The following SBF2 variants were observed in gnomAD, a reference collection of about 807,000 sequenced individuals.
SBF2 encodes the protein myotubularin-related protein 13.
SBF2 carries 112 observed loss-of-function variants against 225.2 expected under a neutral mutation model. That is an observed-to-expected ratio of 0.50 (90% CI 0.43 to 0.58). SBF2 has a LOEUF of 0.58. Ranked by LOEUF, SBF2 falls within the 20% of genes least tolerant of loss-of-function variation. The pLI is 0.00. For synonymous variants in SBF2, 763 were observed against 773.3 expected (o/e 0.99, Z 0.22); for missense variants, 1,996 against 2,206.2 (o/e 0.90, Z 1.91).
intron 2 of SBF2, among the ~76,000 whole-genome samples, chr11:10,193,588 G>A (rs1171994404): frequency 2.6e-5 from 4 of 151,858 alleles, no homozygotes; most frequent in East Asian, 1.9e-4. Context: ...TCCTTACCTC[G>A]TAATCCGCCC....
intron 1 of SBF2, among the ~76,000 whole-genome samples, chr11:10,273,513 C>T (rs1962708829): frequency 6.6e-6 from 1 of 152,068 alleles, no homozygotes; most frequent in African/African-American, 2.4e-5. Context: ...AAATATAAAG[C>T]TTATTTAGCT....
At position 10,081,135 on chromosome 11, in the gene SBF2, A is replaced by G. The variant is rs537833745; in HGVS notation, c.142-38154T>C. Among the ~76,000 whole-genome samples, 2 of 152,340 alleles carry G rather than the reference A, an allele frequency of 1.3e-5. 1 individual carries two copies. The highest frequency in any genetic ancestry group is 4.2e-4 in the South Asian group (2 of 4,818). On this transcript the variant is annotated intron_variant, in intron 2 of 39. Coordinates refer to ENST00000256190, the MANE Select transcript of SBF2 (RefSeq NM_030962.4). ...CATTCTATACAAGGAATATATCAACAGATGGAACATTCTCCAAGACAGTAA... is the reference window on the plus strand; with the variant it reads ...CATTCTATACAAGGAATATATCAACGGATGGAACATTCTCCAAGACAGTAA...
chr11:9,893,707 G>T (rs1861017780), intron 17 of SBF2, among the ~76,000 whole-genome samples: 1 of 152,186 alleles, frequency 6.6e-6, no homozygotes, highest in Non-Finnish European at 1.5e-5. Flanking sequence ...CCAGCAGGCA[G>T]TTTACTGCTT....
intron 2 of SBF2, among the ~76,000 whole-genome samples, chr11:10,161,129 G>A (rs1348445667): frequency 7.0e-6 from 1 of 142,312 alleles, no homozygotes. Context: ...AGTTTGCAGT[G>A]AGCCTAAATT....
intron 16 of SBF2, among the ~76,000 whole-genome samples, chr11:9,952,289 C>T (rs1390955797): frequency 2.0e-5 from 3 of 151,900 alleles, no homozygotes; most frequent in Non-Finnish European, 4.4e-5. Flanking sequence ...AACATCTAAT[C>T]TTCTGCCATG....
At chr11:9,865,072 G>A (rs1345530548) in intron 17 of SBF2, among the ~76,000 whole-genome samples, 1 of 152,050 alleles carries the variant, frequency 6.6e-6, no homozygotes, top group Non-Finnish European at 1.5e-5. Context: ...TACCATGCCT[G>A]GCTAATTATT....
chr11:10,196,866 A>ATATATATTTTT, intron 1 of SBF2, among the ~76,000 whole-genome samples: 73 of 99,302 alleles, frequency 7.4e-4, no homozygotes, highest in African/African-American at 2.8e-3. Flanking sequence ...ATATATATAT[A>ATATATATTTTT]TTTTTTTTTT....
At chr11:10,296,596 T>C (rs61889845), upstream of SBF2, among the ~76,000 whole-genome samples, 15,084 of 152,182 alleles carry the variant, frequency 0.099, 908 homozygotes, top group Non-Finnish European at 0.11. Context: ...CCAAACCATA[T>C]CATATGTATA....
Position 9,779,517 on chromosome 11 carries a change from G to C in SBF2, c.*901C>G, listed in dbSNP as rs1049151887. The stretch of plus-strand genomic sequence containing the variant: ...TCCAGTCATGCCACAGTGTGACTGT[G>C]GTCAACACAGCCCTTGTCACAGGTG... On this transcript the variant is annotated 3_prime_UTR_variant, in exon 40 of 40. Coordinates refer to ENST00000256190, the MANE Select transcript of SBF2 (RefSeq NM_030962.4). 2 of 152,640 alleles carry C rather than the reference G, an allele frequency of 1.3e-5. No homozygotes were observed. Among genetic ancestry groups the C allele is most frequent in the African/African-American group, 4.8e-5 (2 of 41,436 alleles). The allele number at this position is 152,640 out of a possible 1,614,324, so 9.5% of individuals were successfully genotyped here. A position where few individuals can be genotyped will look rare whatever the true frequency, so the allele number is the denominator to read the frequency against.
At chr11:10,040,087 A>C (rs1949595613) in intron 3 of SBF2, among the ~76,000 whole-genome samples, 1 of 152,030 alleles carries the variant, frequency 6.6e-6, no homozygotes, top group South Asian at 2.1e-4. Context: ...AAATTGCTAT[A>C]GGCAAGAATC....
At chr11:10,276,049 G>A (rs1053907098) in intron 1 of SBF2, among the ~76,000 whole-genome samples, 1 of 152,040 alleles carries the variant, frequency 6.6e-6, no homozygotes, top group Non-Finnish European at 1.5e-5. Context: ...TCTTTTAACA[G>A]TGGTCAATTT....
rs1235308799 is a variant in SBF2 at position 10,002,701 on chromosome 11, A to T, written c.620-12T>A. On this transcript the variant is annotated splice_polypyrimidine_tract_variant and intron_variant, in intron 6 of 39. Coordinates refer to ENST00000256190, the MANE Select transcript of SBF2 (RefSeq NM_030962.4). Reference sequence around the variant, plus strand: ...GACATTTTGAATTCCTGAAAACATAAGAGCAAGGACTTACAAATGCATTTA... The same window carrying T: ...GACATTTTGAATTCCTGAAAACATATGAGCAAGGACTTACAAATGCATTTA... 5.6e-6 allele frequency: 9 copies of T among 1,611,936 alleles called. No individual in the cohort carries two copies.
At chr11:10,070,316 T>C (rs1003364362) in intron 2 of SBF2, among the ~76,000 whole-genome samples, 3 of 152,252 alleles carry the variant, frequency 2.0e-5, no homozygotes, top group African/African-American at 7.2e-5. Flanking sequence ...CTTTAATCCA[T>C]CTTGAATTAA....
chr11:9,998,372 A>C lies in SBF2; in HGVS notation c.869T>G (p.Val290Gly), dbSNP rs771827174. 6.5e-6 allele frequency: 10 copies of C among 1,547,656 alleles called. No homozygotes were observed. The highest frequency in any genetic ancestry group is 8.9e-6 in the Non-Finnish European group (10 of 1,121,716). Residue 290 changes from valine to glycine, a missense_variant, in exon 9 of 40, where the codon GTA becomes GGA. By Grantham distance (109) the Val-to-Gly change is moderately radical. Transcript: ENST00000256190. ...FKTDVHELLD[V>G]IIADLDGGTI... ...GCCTCCATCCAAATCTGCTATGATT[A>C]CATCTAACTGAAAGAGATAAAAAAA...
chr11:9,986,808 G>A (rs975062210), intron 13 of SBF2, among the ~76,000 whole-genome samples: 6 of 151,912 alleles, frequency 3.9e-5, no homozygotes, highest in Non-Finnish European at 8.8e-5. Flanking sequence ...AAAAAAAGTC[G>A]AGGACCAGAT....
Position 10,127,751 on chromosome 11 carries a change from T to C in SBF2, c.141+66151A>G, listed in dbSNP as rs147680668. ...AGGGATTTTGGTCATGCTTCTTTTA[T>C]ATCCCTATATGGCCTAACACAGTGC... On this transcript the variant is annotated intron_variant, in intron 2 of 39. Transcript: ENST00000256190. Among the ~76,000 whole-genome samples, 904 of 152,272 alleles carry C rather than the reference T, an allele frequency of 5.9e-3. 13 individuals carry two copies. Among genetic ancestry groups the C allele is most frequent in the African/African-American group, 0.02 (822 of 41,554 alleles).
intron 2 of SBF2, among the ~76,000 whole-genome samples, chr11:10,060,394 TACCA>T (rs1950393405): frequency 6.6e-6 from 1 of 152,156 alleles, no homozygotes; most frequent in Non-Finnish European, 1.5e-5. Context: ...ATAAATAGCC[TACCA>T]ACCAAAGAAA....
At chr11:9,788,951 C>T (rs1391996477) in intron 35 of SBF2, among the ~76,000 whole-genome samples, 158 bp downstream of exon 35, 3 of 152,048 alleles carry the variant, frequency 2.0e-5, no homozygotes, top group Non-Finnish European at 4.4e-5. Context: ...GAAGCCTGGT[C>T]CCCCACTGAT....
At chr11:10,006,030 C>G (rs1948173607) in intron 6 of SBF2, among the ~76,000 whole-genome samples, 1 of 152,140 alleles carries the variant, frequency 6.6e-6, no homozygotes, top group East Asian at 1.9e-4. Context: ...GGGCTAAAGC[C>G]TAAAACCATG....
Sources: gnomAD v4.1 joint callset for allele counts (sites outside exome capture counted in the v4.1 genomes callset) on GRCh38, gnomAD v4.1.1 for gene constraint, MANE v1.5 for transcripts, NCBI Gene and HGNC (gene_info 2026-07-23, HGNC 2026-07-21) for gene names.